Variants in CCDC88A observed in about 807,000 individuals in gnomAD.
The protein encoded by CCDC88A is girdin.
In CCDC88A, 54 loss-of-function variants were observed where a neutral mutation model predicts 234.3. The observed-to-expected ratio is 0.23, with a 90% confidence interval of 0.19 to 0.29. The LOEUF (loss-of-function observed/expected upper bound fraction) is 0.29. CCDC88A is among the 10% of genes least tolerant of loss of function. CCDC88A has a pLI of 1.00. For synonymous variants in CCDC88A, 753 were observed against 737.8 expected (o/e 1.02, Z -0.33); for missense variants, 1,832 against 2,123.4 (o/e 0.86, Z 2.70).
intron 2 of CCDC88A, among the ~76,000 whole-genome samples, chr2:55,393,961 A>AT (rs575695248): frequency 5.6e-4 from 85 of 151,584 alleles, no homozygotes; most frequent in Non-Finnish European, 1.0e-3. Context: ...TTTATTTCTT[A>AT]TTTTTTTTAT....
intron 3 of CCDC88A, among the ~76,000 whole-genome samples, chr2:55,379,426 G>C (rs1453218645): frequency 6.6e-6 from 1 of 152,090 alleles, no homozygotes; most frequent in Non-Finnish European, 1.5e-5. Flanking sequence ...CAATTCAATT[G>C]AAAGAGAAAA....
chr2:55,383,937 T>C (rs1054905769), intron 3 of CCDC88A, among the ~76,000 whole-genome samples: 1 of 152,066 alleles, frequency 6.6e-6, no homozygotes, highest in Non-Finnish European at 1.5e-5. Flanking sequence ...CAATTTAAAG[T>C]ATTGGTTGGT....
chr2:55,319,745 A>G (rs1324856024), intron 18 of CCDC88A, among the ~76,000 whole-genome samples: 1 of 152,214 alleles, frequency 6.6e-6, no homozygotes, highest in African/African-American at 2.4e-5. Flanking sequence ...TGATTATTAT[A>G]TTTTAAAATA....
chr2:55,408,591 C>A (rs546258512), intron 2 of CCDC88A, among the ~76,000 whole-genome samples: 1 of 152,216 alleles, frequency 6.6e-6, no homozygotes, highest in South Asian at 2.1e-4. Context: ...AATGCCATGG[C>A]AATGGCAGGA....
chr2:55,379,698 T>A (rs144269374), intron 3 of CCDC88A, among the ~76,000 whole-genome samples: 1,563 of 150,638 alleles, frequency 0.01, 13 homozygotes, highest in Non-Finnish European at 0.016. Flanking sequence ...GAGGCTGAGG[T>A]GGGTGGATCA....
At chr2:55,292,776 G>C (rs1679574419) in intron 31 of CCDC88A, 1 of 152,268 alleles carries the variant, frequency 6.6e-6, no homozygotes, top group Non-Finnish European at 1.5e-5. Flanking sequence ...CAGGAGAATT[G>C]CCTGAATCCA....
intron 13 of CCDC88A, chr2:55,337,679 A>G (rs1355048622): frequency 1.3e-5 from 2 of 152,204 alleles, no homozygotes; most frequent in Admixed American, 6.5e-5. Flanking sequence ...ACAAAACAAA[A>G]AACAAAAAAA....
rs559722851 is a variant in CCDC88A, at chr2:55,309,119, T to G, written c.4172+43A>C. ...TCACAATATTAGAAATAACCTAGTG[T>G]TTTTTTTCAGAATAAGAATTCATAA... is the stretch of plus-strand genomic sequence containing the variant. On this transcript the variant is annotated intron_variant, in intron 24 of 32. Transcript: ENST00000436346. The surrounding 1 kb of genome is among the most constrained non-coding windows in gnomAD (Gnocchi z 5.1). 2 of 1,434,034 alleles carry G rather than the reference T, an allele frequency of 1.4e-6. No homozygotes were observed. The highest frequency in any genetic ancestry group is 2.8e-5 in the African/African-American group (2 of 70,384). 88.8% of individuals were successfully genotyped at this position (1,434,034 alleles called of 1,614,324 possible). A position where few individuals can be genotyped will look rare whatever the true frequency, so the allele number is the denominator to read the frequency against.
intron 15 of CCDC88A, among the ~76,000 whole-genome samples, chr2:55,333,376 T>C (rs751223579): frequency 3.3e-5 from 5 of 152,192 alleles, no homozygotes; most frequent in Non-Finnish European, 7.4e-5. Context: ...ATACTGCCAA[T>C]TTACTCCTGT....
chr2:55,297,604 C>T (rs6740631), intron 29 of CCDC88A, among the ~76,000 whole-genome samples: 132,659 of 148,878 alleles, frequency 0.89, 59,967 homozygotes, highest in East Asian at 0.97. Flanking sequence ...AGAGACGGGG[C>T]TTCACCATGT....
chr2:55,300,796 C>G (rs561779025), intron 28 of CCDC88A: 1 of 161,112 alleles, frequency 6.2e-6, no homozygotes, highest in Admixed American at 6.5e-5. Context: ...CAGGCGTGAG[C>G]CACTGTCCCT....
chr2:55,406,199 T>A (rs745848830), intron 2 of CCDC88A: 1 of 151,372 alleles, frequency 6.6e-6, no homozygotes, highest in Non-Finnish European at 1.5e-5. Context: ...AATCATTACA[T>A]GTACATTCTA....
At chr2:55,397,477 A>G (rs1677821782) in intron 2 of CCDC88A, 1 of 152,072 alleles carries the variant, frequency 6.6e-6, no homozygotes, top group Non-Finnish European at 1.5e-5. Context: ...TTACTACATG[A>G]CAATATACAA....
At chr2:55,340,471 A>G (rs1668337490) in intron 12 of CCDC88A, among the ~76,000 whole-genome samples, 1 of 152,212 alleles carries the variant, frequency 6.6e-6, no homozygotes, top group South Asian at 2.1e-4. Context: ...TTTTATTTCC[A>G]GCTTTTCTAG....
rs1685481344 is a variant in CCDC88A, at chr2:55,336,533, G to A, written c.1656+148C>T. The A allele has an allele frequency of 6.0e-6, 3 of 498,424 alleles. No homozygotes were observed. The South Asian group carries it at 1.2e-4, about 20-fold the overall frequency. 30.9% of individuals were successfully genotyped at this position (498,424 alleles called of 1,614,324 possible). ...TCCTAAGACACATAGGTTAGAAAAT[G>A]AGGTAAAATTATAATTACTTTAAAA... On this transcript the variant is annotated intron_variant, in intron 14 of 32. Transcript: ENST00000436346.
chr2:55,395,496 T>C (rs1288984874), intron 2 of CCDC88A, among the ~76,000 whole-genome samples: 1 of 152,246 alleles, frequency 6.6e-6, no homozygotes, highest in Non-Finnish European at 1.5e-5. Context: ...AGGTTCTAAG[T>C]TCCTTGACAA....
chr2:55,321,345 G>A (rs1182385068), intron 18 of CCDC88A, among the ~76,000 whole-genome samples: 2 of 152,100 alleles, frequency 1.3e-5, no homozygotes, highest in Non-Finnish European at 2.9e-5. Flanking sequence ...GAGGTCAGGA[G>A]ATTGAGACCA....
chr2:55,303,391 C>CT (rs397965492), intron 25 of CCDC88A, among the ~76,000 whole-genome samples: 14,961 of 135,426 alleles, frequency 0.11, 2,160 homozygotes, highest in African/African-American at 0.33. Context: ...GGAACATATA[C>CT]TTTTTTTTTT....
chr2:55,311,424 T>C (rs1236420735), intron 23 of CCDC88A, among the ~76,000 whole-genome samples: 1 of 152,222 alleles, frequency 6.6e-6, no homozygotes, highest in Admixed American at 6.5e-5. Flanking sequence ...AAATGTATGA[T>C]GTATCCTGGT....
Sources: gnomAD v4.1 joint callset for allele counts (sites outside exome capture counted in the v4.1 genomes callset) on GRCh38, gnomAD v4.1.1 for gene constraint, Gnocchi (gnomAD v3.1) non-coding constraint, MANE v1.5 for transcripts, NCBI Gene and HGNC (gene_info 2026-07-23, HGNC 2026-07-21) for gene names.